Variants in GRIA1 observed in about 807,000 individuals in gnomAD.
The protein encoded by GRIA1 is glutamate receptor 1.
GRIA1 carries 31 observed loss-of-function variants against 99.2 expected under a neutral mutation model. The observed-to-expected ratio is 0.31, with a 90% CI of 0.23 to 0.42. GRIA1 has a LOEUF of 0.42. GRIA1 is among the 10% of genes least tolerant of loss of function. The pLI, the probability that GRIA1 is intolerant of heterozygous loss-of-function variation, is 1.00. For synonymous variants in GRIA1, 438 were observed against 432.4 expected (o/e 1.01, Z -0.16); for missense variants, 782 against 1,157.5 (o/e 0.68, Z 4.71).
chr5:153,620,171 T>C (rs537391658), intron 2 of GRIA1, among the ~76,000 whole-genome samples: 8 of 152,330 alleles, frequency 5.3e-5, no homozygotes, highest in East Asian at 3.9e-4. Context: ...GGAAGTATAA[T>C]GTGGTTTCTT....
At chr5:153,503,333 C>A (rs182978159) in intron 2 of GRIA1, among the ~76,000 whole-genome samples, 1 of 152,122 alleles carries the variant, frequency 6.6e-6, no homozygotes, top group African/African-American at 2.4e-5. Context: ...CCTTGAAAAG[C>A]TTTTATATCC....
intron 11 of GRIA1, among the ~76,000 whole-genome samples, chr5:153,731,237 T>C (rs147605734): frequency 6.6e-6 from 1 of 151,904 alleles, no homozygotes; most frequent in Non-Finnish European, 1.5e-5. Context: ...TCTCTCTCTC[T>C]CTCTCTCCAT....
chr5:153,602,889 C>G (rs1479659079), intron 2 of GRIA1, among the ~76,000 whole-genome samples: 1 of 152,182 alleles, frequency 6.6e-6, no homozygotes, highest in African/African-American at 2.4e-5. Context: ...TCTTTTCTTT[C>G]TGTCCCTCGT....
At chr5:153,563,482 T>C (rs1241377012) in intron 2 of GRIA1, among the ~76,000 whole-genome samples, 2 of 152,210 alleles carry the variant, frequency 1.3e-5, no homozygotes, top group African/African-American at 2.4e-5. Context: ...GGGTAAAGGA[T>C]GGAAGATAGA....
chr5:153,700,358 C>T (rs1211548349), intron 10 of GRIA1, among the ~76,000 whole-genome samples: 1 of 152,148 alleles, frequency 6.6e-6, no homozygotes, highest in Non-Finnish European at 1.5e-5. Flanking sequence ...GCACTCCAGC[C>T]TGGGAGACAA....
intron 3 of GRIA1, among the ~76,000 whole-genome samples, chr5:153,648,460 A>G (rs1339318573): frequency 6.6e-6 from 1 of 152,216 alleles, no homozygotes; most frequent in East Asian, 1.9e-4. Flanking sequence ...CAGAGCTCAG[A>G]GCCCTGCCGT....
chr5:153,713,169 G>A (rs1006408180), intron 11 of GRIA1, among the ~76,000 whole-genome samples: 5 of 152,228 alleles, frequency 3.3e-5, no homozygotes, highest in Admixed American at 6.5e-5. Context: ...CTGGGTGAGC[G>A]AGGCCCTTGG....
At chr5:153,572,557 G>T (rs1191440320) in intron 2 of GRIA1, among the ~76,000 whole-genome samples, 2 of 152,176 alleles carry the variant, frequency 1.3e-5, no homozygotes, top group South Asian at 2.1e-4. Flanking sequence ...GCTGTCAGCC[G>T]TGGATGGGAG....
In GRIA1 at chr5:153,558,273, CT is replaced by C. The variant is rs1218335684; in HGVS notation, c.220+64212del. Among the ~76,000 whole-genome samples the C allele has an allele frequency of 2.6e-5, 4 of 152,112 alleles. No homozygotes were observed. In the East Asian group the frequency reaches 5.8e-4, roughly 22 times the overall value. On this transcript the variant is annotated intron_variant, in intron 2 of 15. Coordinates refer to ENST00000285900, the MANE Select transcript of GRIA1 (RefSeq NM_000827.4). ...AATTTACATATAGTAAAATTCACTC[CT>C]TTTATACAGTTCTATGAATTTTGAC...
intron 8 of GRIA1, among the ~76,000 whole-genome samples, chr5:153,695,642 A>G (rs1581485343): frequency 6.6e-6 from 1 of 152,352 alleles, no homozygotes; most frequent in East Asian, 1.9e-4. Context: ...ATGATTCTTC[A>G]GTCCCCTTCC....
At chr5:153,772,708 G>C (rs935354273) in intron 13 of GRIA1, among the ~76,000 whole-genome samples, 7 of 152,148 alleles carry the variant, frequency 4.6e-5, no homozygotes, top group Non-Finnish European at 8.8e-5. Context: ...AAAGTTCAAA[G>C]GGGATTCAGA....
chr5:153,620,681 A>G (rs1766955702), intron 2 of GRIA1, among the ~76,000 whole-genome samples: 1 of 152,144 alleles, frequency 6.6e-6, no homozygotes, highest in East Asian at 1.9e-4. Context: ...GTTTTAAAAT[A>G]CTATTTCATT....
chr5:153,591,581 T>C (rs1763976819), intron 2 of GRIA1, among the ~76,000 whole-genome samples: 1 of 152,170 alleles, frequency 6.6e-6, no homozygotes, highest in African/African-American at 2.4e-5. Context: ...ATAGGTAAAA[T>C]CTGTTTTGTT....
intron 11 of GRIA1, among the ~76,000 whole-genome samples, chr5:153,743,240 G>A (rs1235956658): frequency 1.3e-5 from 2 of 152,154 alleles, no homozygotes; most frequent in East Asian, 1.9e-4. Flanking sequence ...TATAATGATT[G>A]TCAGTCACCA....
chr5:153,677,898 G>A (rs910081265), intron 7 of GRIA1, among the ~76,000 whole-genome samples: 1 of 152,174 alleles, frequency 6.6e-6, no homozygotes, highest in Admixed American at 6.5e-5. Context: ...GATCTCTAAA[G>A]CACCTCAAGC....
chr5:153,624,966 G>C (rs1334999608), intron 2 of GRIA1, among the ~76,000 whole-genome samples: 1 of 152,178 alleles, frequency 6.6e-6, no homozygotes, highest in Non-Finnish European at 1.5e-5. Context: ...ACTCAGTAAC[G>C]TCTCCTGTGC....
At chr5:153,532,909 G>A (rs1246766893) in intron 2 of GRIA1, among the ~76,000 whole-genome samples, 2 of 152,216 alleles carry the variant, frequency 1.3e-5, no homozygotes, top group African/African-American at 4.8e-5. Context: ...GGCAAGGACT[G>A]AGTCAAGAAA....
At chr5:153,524,366 G>C (rs1296835340) in intron 2 of GRIA1, among the ~76,000 whole-genome samples, 3 of 152,116 alleles carry the variant, frequency 2.0e-5, no homozygotes, top group Non-Finnish European at 4.4e-5. Flanking sequence ...CTAAACATCT[G>C]TATGATAACA....
intron 11 of GRIA1, chr5:153,755,591 G>T (rs1405565224): frequency 6.6e-6 from 1 of 152,196 alleles, no homozygotes; most frequent in Admixed American, 6.5e-5. Context: ...GTTGGAGCAG[G>T]TCAAAACTCT....
Sources: gnomAD v4.1 joint callset for allele counts (sites outside exome capture counted in the v4.1 genomes callset) on GRCh38, gnomAD v4.1.1 for gene constraint, MANE v1.5 for transcripts, NCBI Gene and HGNC (gene_info 2026-07-23, HGNC 2026-07-21) for gene names.